The following PALS1 variants were observed in gnomAD, a reference collection of about 807,000 sequenced individuals.
PALS1 encodes the protein protein PALS1.
In PALS1, 31 loss-of-function variants were observed where a neutral mutation model predicts 78.9. That is an observed-to-expected ratio of 0.39 (90% CI 0.30 to 0.53). The LOEUF (loss-of-function observed/expected upper bound fraction) is 0.53, where lower values mean the gene tolerates loss of function less well. Among genes scored for constraint, PALS1 ranks in the 20% least tolerant of loss-of-function variants. The pLI, the probability that PALS1 is intolerant of heterozygous loss-of-function variation, is 0.67. For missense variants in PALS1, 704 were observed against 826.5 expected (o/e 0.85, Z 1.82); for synonymous variants, 276 against 270.9 (o/e 1.02, Z -0.18).
intron 3 of PALS1, among the ~76,000 whole-genome samples, chr14:67,289,804 T>C (rs1025688201): frequency 2.1e-5 from 3 of 143,720 alleles, no homozygotes; most frequent in African/African-American, 7.8e-5. Context: ...ACGGAGTCTC[T>C]CTGTCGCCCA....
chr14:67,265,248 G>T (rs994839730), intron 1 of PALS1, among the ~76,000 whole-genome samples: 1 of 152,140 alleles, frequency 6.6e-6, no homozygotes, highest in African/African-American at 2.4e-5. Context: ...GGACTTGTTA[G>T]GGTGTTCTAC....
intron 1 of PALS1, among the ~76,000 whole-genome samples, chr14:67,265,024 G>GGTTTTTACTTTGAAGATTTTTTAA (rs2084299470): frequency 6.6e-6 from 1 of 151,830 alleles, no homozygotes; most frequent in African/African-American, 2.4e-5. Context: ...AATCTTACTG[G>GGTTTTTACTTTGAAGATTTTTTAA]GTTTTTACTT....
intron 1 of PALS1, among the ~76,000 whole-genome samples, chr14:67,243,223 C>T (rs2083931804): frequency 6.6e-6 from 1 of 151,310 alleles, no homozygotes; most frequent in Non-Finnish European, 1.5e-5. Context: ...TAGTCTCGCT[C>T]TTGCCCAGGC....
chr14:67,320,953 T>C (rs1193165834), intron 12 of PALS1, 104 bp from the exon 13 acceptor site: 5 of 905,548 alleles, frequency 5.5e-6, no homozygotes, highest in Non-Finnish European at 8.7e-6. Flanking sequence ...TTTATTATTT[T>C]ATAATCTGTG....
chr14:67,310,053 G>A (rs2085065600), intron 8 of PALS1, among the ~76,000 whole-genome samples: 2 of 145,448 alleles, frequency 1.4e-5, no homozygotes, highest in South Asian at 4.5e-4. Flanking sequence ...ATAGGATGGT[G>A]CTCAAGCACT....
chr14:67,321,291 C>T, intron 13 of PALS1, 32 bp downstream of exon 13: 1 of 1,604,274 alleles, frequency 6.2e-7, no homozygotes. Context: ...AGGGTTTGAA[C>T]TTAGAAGGAA....
Position 67,301,432 on chromosome 14 carries a change from A to C in PALS1, c.620A>C (p.Glu207Ala), listed in dbSNP as rs549665024. ...LKPVHHKEGQ[E>A]LTALLNTPHI... The stretch of plus-strand genomic sequence containing the variant: ...CCAGTTCATCATAAGGAAGGACAAG[A>C]ACTAACTGCTTTGCTGAATACTCCA... Residue 207 changes from glutamate (E) to alanine (A), a missense_variant, in exon 5 of 15, where the codon GAA becomes GCA. Coordinates refer to ENST00000261681, the MANE Select transcript of PALS1 (RefSeq NM_022474.4). The C allele has an allele frequency of 2.4e-4, 394 of 1,611,088 alleles. 8 individuals carry two copies. The South Asian group carries it at 4.0e-3, about 17-fold the overall frequency.
At chr14:67,285,476 C>T (rs1340085053) in intron 3 of PALS1, among the ~76,000 whole-genome samples, 2 of 151,294 alleles carry the variant, frequency 1.3e-5, no homozygotes, top group African/African-American at 4.9e-5. Context: ...ACACCATTCT[C>T]CTGCCTCAGC....
chr14:67,303,424 G>A (rs1395673001), intron 7 of PALS1, 98 bp from the exon 8 acceptor site: 2 of 910,834 alleles, frequency 2.2e-6, no homozygotes, highest in Non-Finnish European at 3.6e-6. Context: ...CTGTGGAGGG[G>A]TTCTGAAATA....
chr14:67,327,125 G>T (rs1021827090), intron 14 of PALS1, among the ~76,000 whole-genome samples: 2 of 151,950 alleles, frequency 1.3e-5, no homozygotes, highest in Non-Finnish European at 2.9e-5. Flanking sequence ...CAGTGAACCG[G>T]GATTGCGCCA....
At chr14:67,283,689 G>A (rs1341417773) in intron 3 of PALS1, among the ~76,000 whole-genome samples, 3 of 152,002 alleles carry the variant, frequency 2.0e-5, no homozygotes, top group Non-Finnish European at 2.9e-5. Context: ...AGAATTCTGT[G>A]ATTTAGTCAG....
At chr14:67,266,398 T>C (rs934668938) in intron 1 of PALS1, among the ~76,000 whole-genome samples, 1 of 152,170 alleles carries the variant, frequency 6.6e-6, no homozygotes, top group African/African-American at 2.4e-5. Context: ...TGATCTCAGC[T>C]CACTGCAGCC....
At chr14:67,278,374 A>C (rs2084542677) in intron 2 of PALS1, among the ~76,000 whole-genome samples, 1 of 151,230 alleles carries the variant, frequency 6.6e-6, no homozygotes, top group Non-Finnish European at 1.5e-5. Context: ...CCAGTTATAA[A>C]GACTGATAAC....
At chr14:67,248,642 C>T (rs918246673) in intron 1 of PALS1, among the ~76,000 whole-genome samples, 1 of 152,124 alleles carries the variant, frequency 6.6e-6, no homozygotes, top group Non-Finnish European at 1.5e-5. Context: ...CAGGGGTCAA[C>T]AACTTTCGGT....
chr14:67,254,029 C>CG (rs906630891), intron 1 of PALS1, among the ~76,000 whole-genome samples: 1 of 137,864 alleles, frequency 7.3e-6, no homozygotes, highest in African/African-American at 2.8e-5. Context: ...TATTCATCCC[C>CG]CCCCCCTTAC....
In PALS1 at chr14:67,317,460, T is replaced by C. The variant is rs756473651; in HGVS notation, c.1350T>C (p.Tyr450=). The C allele has an allele frequency of 1.4e-5, 23 of 1,609,502 alleles. No individual in the cohort carries two copies. In the East Asian group the frequency reaches 3.8e-4, roughly 27 times the overall value. ...AAAAGAAGAGGAAAAAGGTTTTATA[T>C]AATGCCAATAAAAATGATGGTAAGT... The part of the protein sequence containing the change: ...KNKKKRKKVL[Y]NANKNDDYDN... The change falls in exon 11 of 15, where the codon TAT becomes TAC. Residue 450 remains tyrosine (Y), a synonymous_variant. Coordinates refer to ENST00000261681, the MANE Select transcript of PALS1 (RefSeq NM_022474.4).
chr14:67,312,460 A>T, intron 8 of PALS1, 67 bp from the exon 9 acceptor site: 1 of 1,143,770 alleles, frequency 8.7e-7, no homozygotes, highest in Non-Finnish European at 1.2e-6. Context: ...TGTAGCATTT[A>T]AATTGTATTC....
intron 1 of PALS1, among the ~76,000 whole-genome samples, chr14:67,254,830 T>A (rs913974399): frequency 2.0e-5 from 3 of 152,214 alleles, no homozygotes; most frequent in Non-Finnish European, 4.4e-5. Flanking sequence ...TTTTCTCTAG[T>A]AAGCTGTAAA....
rs968887154 is a variant in PALS1, at chr14:67,279,332, A to G, written c.162A>G (p.Ala54=). The change falls in exon 3 of 15, where the codon GCA becomes GCG. Residue 54 remains alanine (A), a synonymous_variant. Transcript: ENST00000261681. The part of the protein sequence containing the change: ...GTRMMPIRRS[A]QLERIRQQQE... ...GGATGATGCCAATACGTCGAAGTGC[A>G]CAGTTGGAGCGTATTCGGCAACAAC... is the stretch of plus-strand genomic sequence containing the variant. 2 of 1,613,980 alleles carry G rather than the reference A, an allele frequency of 1.2e-6. No individual in the cohort carries two copies. The highest frequency in any genetic ancestry group is 1.3e-5 in the African/African-American group (1 of 74,986).
Sources: gnomAD v4.1 joint callset for allele counts (sites outside exome capture counted in the v4.1 genomes callset) on GRCh38, gnomAD v4.1.1 for gene constraint, MANE v1.5 for transcripts, NCBI Gene and HGNC (gene_info 2026-07-23, HGNC 2026-07-21) for gene names.